The following NR4A1 variants were observed in gnomAD, a reference collection of about 807,000 sequenced individuals.
NR4A1 encodes the protein nuclear receptor subfamily 4immunitygroup A member 1.
In NR4A1, 24 loss-of-function variants were observed where a neutral mutation model predicts 47.5. The observed-to-expected ratio is 0.50, with a 90% CI of 0.37 to 0.71. The LOEUF (loss-of-function observed/expected upper bound fraction) is 0.71, where lower values mean the gene tolerates loss of function less well. Among genes scored for constraint, NR4A1 ranks in the 30% least tolerant of loss-of-function variants. NR4A1 has a pLI of 0.00. For missense variants in NR4A1, 669 were observed against 788.6 expected (o/e 0.85, Z 1.82); for synonymous variants, 353 against 345.7 (o/e 1.02, Z -0.24).
intron 1 of NR4A1, among the ~76,000 whole-genome samples, chr12:52,025,308 G>C (rs1466365083): frequency 1.3e-5 from 2 of 152,070 alleles, no homozygotes; most frequent in Non-Finnish European, 2.9e-5. Flanking sequence ...TGATCCACCT[G>C]CCTCGGCCTC....
At chr12:52,057,292 T>G (rs1939324069) in intron 5 of NR4A1, 33 bp downstream of exon 5, 5 of 1,613,594 alleles carry the variant, frequency 3.1e-6, no homozygotes, top group African/African-American at 1.3e-5. Flanking sequence ...CCAGCCCCTT[T>G]CCCTGATACA....
chr12:52,056,144 G>T lies in NR4A1; in HGVS notation c.991G>T (p.Gly331Cys). 6.2e-7 allele frequency: 1 copy of T among 1,608,014 alleles called. No individual in the cohort carries two copies. Among genetic ancestry groups the T allele is most frequent in the Non-Finnish European group, 8.5e-7 (1 of 1,177,006 alleles). ...FCRFQKCLAVGMVKEVVRTDS... is the reference protein window; with the variant it reads ...FCRFQKCLAVCMVKEVVRTDS... ...CCGCTTCCAGAAGTGCCTGGCGGTG[G>T]GCATGGTGAAGGAAGGTGTGTGGCT... Residue 331 changes from glycine (G) to cysteine (C), a missense_variant, in exon 3 of 7, where the codon GGC (glycine) becomes TGC (cysteine). Physicochemically the swap from Gly to Cys is radical, Grantham distance 159. Coordinates refer to ENST00000394825, the MANE Select transcript of NR4A1 (RefSeq NM_173157.3).
At position 52,030,124 on chromosome 12, in the gene NR4A1, C is replaced by G. The variant is rs1938088358; in HGVS notation, c.-84+7185C>G. 2.0e-5 allele frequency among the ~76,000 whole-genome samples: 3 copies of G among 152,252 alleles called. No individual in the cohort carries two copies. The South Asian group carries it at 6.2e-4, about 31-fold the overall frequency. ...GGCAGGGTGTGGGCACAGGCAAGGTCTTCAGGGAATGCTGCTGCAGGGGCA... is the reference window on the plus strand; with the variant it reads ...GGCAGGGTGTGGGCACAGGCAAGGTGTTCAGGGAATGCTGCTGCAGGGGCA... On this transcript the variant is annotated intron_variant, in intron 1 of 7. Coordinates refer to the NR4A1 transcript ENST00000360284.
Position 52,054,673 on chromosome 12 carries a change from C to T in NR4A1, c.345C>T (p.Pro115=), listed in dbSNP as rs148200420. 1,023 of 1,614,108 alleles carry T rather than the reference C, an allele frequency of 6.3e-4. No individual in the cohort carries two copies. The highest frequency in any genetic ancestry group is 1.3e-3 in the Middle Eastern group (8 of 6,062). ...AGGTGTACGGCTGCTACCCCGGCCC[C>T]CTGAGCGGCCCAGTGGATGAGGCCC... The part of the protein sequence containing the change: ...DFQVYGCYPG[P]LSGPVDEALS... The change falls in exon 2 of 7, where the codon CCC becomes CCT. Residue 115 remains proline (P), a synonymous_variant. Transcript: ENST00000394825.
chr12:52,039,636 C>T (rs1038410079), intron 1 of NR4A1, among the ~76,000 whole-genome samples: 12 of 152,262 alleles, frequency 7.9e-5, no homozygotes, highest in African/African-American at 2.9e-4. Flanking sequence ...CTTCCACGCA[C>T]ACTTACTGAG....
chr12:52,052,825 G>C (rs1313076193), intron 1 of NR4A1, among the ~76,000 whole-genome samples: 1 of 152,226 alleles, frequency 6.6e-6, no homozygotes, highest in African/African-American at 2.4e-5. Context: ...TGGCCAGGCT[G>C]TCCTAGTGCA....
In NR4A1 at chr12:52,058,536, C is replaced by T. The variant is rs1257900942; in HGVS notation, c.1541-152C>T. ...ACTGCTTCTCAGACTTGTGACGATGCTTACTAATGGCCAACATGTGAATGC... is the reference window on the plus strand; with the variant it reads ...ACTGCTTCTCAGACTTGTGACGATGTTTACTAATGGCCAACATGTGAATGC... On this transcript the variant is annotated intron_variant, in intron 6 of 6. Coordinates refer to ENST00000394825, the MANE Select transcript of NR4A1 (RefSeq NM_173157.3). 3.0e-6 allele frequency: 3 copies of T among 997,396 alleles called. No individual in the cohort carries two copies. In the African/African-American group the frequency reaches 5.0e-5, roughly 17 times the overall value. The allele number at this position is 997,396 out of a possible 1,614,324, so 61.8% of individuals were successfully genotyped here. A position where few individuals can be genotyped will look rare whatever the true frequency, so the allele number is the denominator to read the frequency against.
chr12:52,023,214 T>A (rs530873048), intron 1 of NR4A1, among the ~76,000 whole-genome samples: 1 of 152,344 alleles, frequency 6.6e-6, no homozygotes, highest in East Asian at 1.9e-4. Flanking sequence ...CAGGCTGGCC[T>A]TCAAGGCCTG....
At chr12:52,037,705 AT>A in intron 1 of NR4A1, 3 of 985,294 alleles carry the variant, frequency 3.0e-6, no homozygotes, top group Non-Finnish European at 3.6e-6. Context: ...GGCCAGAGAA[AT>A]TCCTTCCATT....
upstream of NR4A1, among the ~76,000 whole-genome samples, chr12:52,049,702 G>C (rs533970090): frequency 9.0e-4 from 137 of 152,290 alleles, 1 homozygote; most frequent in East Asian, 3.1e-3. Flanking sequence ...GGACCCAAGA[G>C]ATGTTCCAAA....
At chr12:52,046,494 C>T (rs1317524677), upstream of NR4A1, among the ~76,000 whole-genome samples, 1 of 152,132 alleles carries the variant, frequency 6.6e-6, no homozygotes, top group South Asian at 2.1e-4. Flanking sequence ...CAGGAGGACC[C>T]CTTTCTACTA....
At chr12:52,058,269 G>A (rs1462702099) in intron 6 of NR4A1, among the ~76,000 whole-genome samples, 2 of 152,110 alleles carry the variant, frequency 1.3e-5, no homozygotes, top group Non-Finnish European at 2.9e-5. Context: ...ATCCACCCTC[G>A]TTCATTTTTT....
At chr12:52,039,981 G>A (rs1938375140) in intron 1 of NR4A1, among the ~76,000 whole-genome samples, 1 of 152,162 alleles carries the variant, frequency 6.6e-6, no homozygotes, top group Non-Finnish European at 1.5e-5. Context: ...CAGGAGCTGG[G>A]GACTGAAGTC....
In NR4A1 at chr12:52,057,470, C is replaced by T; in HGVS notation, c.1480C>T (p.His494Tyr). The change falls in exon 6 of 7, where the codon CAC (histidine) becomes TAC (tyrosine). Residue 494 changes from histidine (H) to tyrosine (Y), a missense_variant. Coordinates refer to ENST00000394825, the MANE Select transcript of NR4A1 (RefSeq NM_173157.3). ...TATCCTGGCCTTCTCAAGGTCCCTG[C>T]ACAGCTTGCTTGTCGATGTCCCTGC... ...DSILAFSRSL[H>Y]SLLVDVPAFA... The T allele has an allele frequency of 2.5e-5, 41 of 1,614,238 alleles. No homozygotes were observed. The highest frequency in any genetic ancestry group is 3.3e-5 in the Non-Finnish European group (39 of 1,180,028).
intron 6 of NR4A1, 109 bp from the exon 7 acceptor site, chr12:52,058,579 G>A (rs1361855634): frequency 7.3e-7 from 1 of 1,379,008 alleles, no homozygotes; most frequent in Non-Finnish European, 9.6e-7. Flanking sequence ...TGAAGTGCCA[G>A]CAGAGCATGA....
intron 1 of NR4A1, among the ~76,000 whole-genome samples, chr12:52,040,379 G>A (rs891433910): frequency 4.6e-5 from 7 of 152,258 alleles, no homozygotes; most frequent in South Asian, 2.1e-4. Flanking sequence ...ATGGTAGGTG[G>A]TATTTGGCCC....
chr12:52,028,299 G>A (rs1938043702), intron 1 of NR4A1, among the ~76,000 whole-genome samples: 1 of 152,092 alleles, frequency 6.6e-6, no homozygotes, highest in African/African-American at 2.4e-5. Flanking sequence ...TAAGGGGCCG[G>A]GAGCAGTGGC....
Position 52,054,574 on chromosome 12 carries a change from C to CTCCTCGGCCTCCTCCACA in NR4A1, c.253_270dup (p.Ala85_Ser90dup). On this transcript the variant is annotated inframe_insertion, in exon 2 of 7. Transcript: ENST00000394825. Reference sequence around the variant, plus strand: ...CAGTCCAGCCATGCTCCTCAGCCTCCTCCTCGGCCTCCTCCACATCCTCGT... The same window carrying CTCCTCGGCCTCCTCCACA: ...CAGTCCAGCCATGCTCCTCAGCCTCCTCCTCGGCCTCCTCCACATCCTCGGCCTCCTCCACATCCTCGT... 1.2e-6 allele frequency: 2 copies of CTCCTCGGCCTCCTCCACA among 1,614,164 alleles called. No homozygotes were observed. Among genetic ancestry groups the CTCCTCGGCCTCCTCCACA allele is most frequent in the Non-Finnish European group, 1.7e-6 (2 of 1,180,004 alleles).
intron 1 of NR4A1, among the ~76,000 whole-genome samples, chr12:52,027,167 C>G (rs933631508): frequency 1.3e-5 from 2 of 152,242 alleles, no homozygotes; most frequent in Admixed American, 6.5e-5. Context: ...TGCCCCTTAG[C>G]CCAGCCCTGA....
Sources: gnomAD v4.1 joint callset for allele counts (sites outside exome capture counted in the v4.1 genomes callset) on GRCh38, gnomAD v4.1.1 for gene constraint, MANE v1.5 for transcripts, NCBI Gene and HGNC (gene_info 2026-07-23, HGNC 2026-07-21) for gene names.